Variants in GALNT17 observed in about 807,000 individuals in gnomAD.
GALNT17 encodes the protein polypeptide N-acetylgalactosaminyltransferase 17, also known as UDP-GalNAc:polypeptide N-acetylgalactosaminyltransferase-like 3.
Under a neutral mutation model 63.7 loss-of-function variants are expected in GALNT17, and 29 were observed. That is an observed-to-expected ratio of 0.46 (90% CI 0.34 to 0.62). The LOEUF is 0.62. Among genes scored for constraint, GALNT17 ranks in the 20% least tolerant of loss-of-function variants. The pLI is 0.01. For synonymous variants in GALNT17, 305 were observed against 318.3 expected, an observed-to-expected ratio of 0.96 and a Z score of 0.45; for missense variants, 603 against 799.6, an observed-to-expected ratio of 0.75 and a Z score of 2.97.
rs532228606 is a variant in GALNT17 at position 71,277,253 on chromosome 7, T to C, written c.239-58297T>C. 2.0e-5 allele frequency among the ~76,000 whole-genome samples: 3 copies of C among 152,278 alleles called. No homozygotes were observed. The East Asian group carries it at 5.8e-4, about 29-fold the overall frequency. ...AACTGAGAAACAGAAAACCAAATCC[T>C]GCATGTTCTCACTTACAAGTGGGAG... On this transcript the variant is annotated intron_variant, in intron 1 of 10. Coordinates refer to ENST00000333538, the MANE Select transcript of GALNT17 (RefSeq NM_022479.3).
intron 1 of GALNT17, among the ~76,000 whole-genome samples, chr7:71,206,360 A>C (rs1377702488): frequency 6.6e-6 from 1 of 151,936 alleles, no homozygotes; most frequent in East Asian, 1.9e-4. Context: ...CATGTGAGCC[A>C]CGAGAACAGA....
chr7:71,654,704 T>G, intron 6 of GALNT17, among the ~76,000 whole-genome samples: 1 of 138,804 alleles, frequency 7.2e-6, no homozygotes, highest in Non-Finnish European at 1.6e-5. Flanking sequence ...ACTTCAGGTA[T>G]CTATGTGCCT....
chr7:71,425,904 C>A (rs1366560652), intron 5 of GALNT17, among the ~76,000 whole-genome samples: 2 of 152,134 alleles, frequency 1.3e-5, no homozygotes, highest in Admixed American at 1.3e-4. Context: ...GCTTCTGCGT[C>A]TGGGGAGGCC....
chr7:71,602,202 C>T (rs1445052284), intron 6 of GALNT17, among the ~76,000 whole-genome samples: 1 of 152,224 alleles, frequency 6.6e-6, no homozygotes, highest in African/African-American at 2.4e-5. Flanking sequence ...TAGAGTATTT[C>T]TCACCCAAAC....
At chr7:71,572,504 T>TAAAAAAAAAAAAA (rs371372359) in intron 6 of GALNT17, among the ~76,000 whole-genome samples, 2 of 44,490 alleles carry the variant, frequency 4.5e-5, no homozygotes, top group African/African-American at 2.1e-4. Context: ...CCTGTCTCAT[T>TAAAAAAAAAAAAA]AAAAAAAAAA....
rs535740039 is a variant in GALNT17 at position 71,198,884 on chromosome 7, T to C, written c.238+65844T>C. Among the ~76,000 whole-genome samples the C allele has an allele frequency of 2.0e-5, 3 of 152,298 alleles. No individual in the cohort carries two copies. The South Asian group carries it at 6.2e-4, about 32-fold the overall frequency. ...GTTGGCTGCCGTGGTTCATAAACTT[T>C]AGTAGGTTTCAGAATCACATGGAGA... On this transcript the variant is annotated intron_variant, in intron 1 of 10. Transcript: ENST00000333538.
intron 1 of GALNT17, among the ~76,000 whole-genome samples, chr7:71,192,898 C>T (rs951939822): frequency 1.3e-5 from 2 of 152,036 alleles, no homozygotes; most frequent in East Asian, 1.9e-4. Flanking sequence ...GATGTGGTTC[C>T]GTCACATGTG....
intron 10 of GALNT17, 140 bp downstream of exon 10, chr7:71,711,068 G>A (rs1326444884): frequency 1.7e-6 from 2 of 1,164,664 alleles, no homozygotes; most frequent in Non-Finnish European, 2.4e-6. Flanking sequence ...CTGGGCTTGT[G>A]GACCCAAAGC....
intron 5 of GALNT17, among the ~76,000 whole-genome samples, chr7:71,535,163 GT>G (rs1425510150): frequency 6.6e-6 from 1 of 152,198 alleles, no homozygotes; most frequent in Non-Finnish European, 1.5e-5. Context: ...AAAATGTTGT[GT>G]TTTAAGAGGG....
chr7:71,367,735 AG>A (rs1792541941), intron 2 of GALNT17, among the ~76,000 whole-genome samples: 1 of 152,224 alleles, frequency 6.6e-6, no homozygotes, highest in Non-Finnish European at 1.5e-5. Context: ...TCTTCCTATC[AG>A]ACCAAATGCC....
At chr7:71,628,805 G>A (rs1456590452) in intron 6 of GALNT17, among the ~76,000 whole-genome samples, 4 of 152,030 alleles carry the variant, frequency 2.6e-5, no homozygotes, top group African/African-American at 7.2e-5. Flanking sequence ...GGTGGCAAAC[G>A]CCTGTAATCC....
At chr7:71,506,234 G>A (rs779112065) in intron 5 of GALNT17, among the ~76,000 whole-genome samples, 1 of 147,428 alleles carries the variant, frequency 6.8e-6, no homozygotes, top group African/African-American at 2.5e-5. Flanking sequence ...CACTAGCTGG[G>A]GCATAGAAGG....
Position 71,416,013 on chromosome 7 carries a change from C to A in GALNT17, c.714C>A (p.Thr238=). 1 of 1,613,444 alleles carries A rather than the reference C, an allele frequency of 6.2e-7. No homozygotes were observed. The highest frequency in any genetic ancestry group is 8.5e-7 in the Non-Finnish European group (1 of 1,179,752). The change falls in exon 4 of 11, where the codon ACC becomes ACA. Residue 238 remains threonine, a synonymous_variant. Transcript: ENST00000333538. ...RARIEGWKVA[T]GQVTGFFDAH... is the part of the protein sequence containing the mutation. ...GCATTGAGGGCTGGAAGGTGGCTAC[C>A]GGGCAGGTCACTGGCTTCTTTGATG...
At chr7:71,691,336 G>T (rs1352227286) in intron 9 of GALNT17, among the ~76,000 whole-genome samples, 2 of 152,152 alleles carry the variant, frequency 1.3e-5, no homozygotes, top group African/African-American at 2.4e-5. Context: ...TTTTTAAAAG[G>T]CATGCTATTG....
At chr7:71,423,182 TA>T (rs772027971) in intron 5 of GALNT17, among the ~76,000 whole-genome samples, 3 of 152,164 alleles carry the variant, frequency 2.0e-5, no homozygotes, top group Non-Finnish European at 4.4e-5. Context: ...AAAACAGAAA[TA>T]CCTGTCCTCA....
intron 1 of GALNT17, among the ~76,000 whole-genome samples, chr7:71,221,297 A>G (rs566490108): frequency 6.7e-6 from 1 of 148,298 alleles, no homozygotes; most frequent in Non-Finnish European, 1.5e-5. Flanking sequence ...TTCATGGTGT[A>G]TGTGTACCAC....
chr7:71,489,012 G>GC (rs1787960897), intron 5 of GALNT17, among the ~76,000 whole-genome samples: 1 of 138,152 alleles, frequency 7.2e-6, no homozygotes. Flanking sequence ...TCCTGCCTCA[G>GC]CCTCCCAAGT....
At chr7:71,184,982 TCC>T (rs1788814616) in intron 1 of GALNT17, among the ~76,000 whole-genome samples, 1 of 123,488 alleles carries the variant, frequency 8.1e-6, no homozygotes, top group Non-Finnish European at 1.6e-5. Flanking sequence ...CTTCCTTCCT[TCC>T]TTCCTTCCTT....
intron 3 of GALNT17, among the ~76,000 whole-genome samples, 172 bp downstream of exon 3, chr7:71,388,573 C>A (rs1792993323): frequency 6.6e-6 from 1 of 152,076 alleles, no homozygotes; most frequent in African/African-American, 2.4e-5. Context: ...GTCGCCCAGG[C>A]TGGAGTGCAG....
Sources: gnomAD v4.1 joint callset for allele counts (sites outside exome capture counted in the v4.1 genomes callset) on GRCh38, gnomAD v4.1.1 for gene constraint, MANE v1.5 for transcripts, NCBI Gene and HGNC (gene_info 2026-07-23, HGNC 2026-07-21) for gene names.